The following MYO5B variants were observed in gnomAD, a reference collection of about 807,000 sequenced individuals.
MYO5B encodes the protein myosin VB, also known as unconventional myosin-Vb.
MYO5B carries 143 observed loss-of-function variants against 229.3 expected under a neutral mutation model. The observed-to-expected ratio is 0.62, with a 90% confidence interval of 0.54 to 0.72. The LOEUF is 0.72. Ranked by LOEUF, MYO5B falls within the 30% of genes least tolerant of loss-of-function variation. The pLI is 0.00. For synonymous variants in MYO5B, 918 were observed against 885.2 expected (o/e 1.04, Z -0.66); for missense variants, 2,321 against 2,331.0 (o/e 1.00, Z 0.09).
chr18:50,076,645 G>C (rs1019166797), intron 1 of MYO5B, among the ~76,000 whole-genome samples: 1 of 152,124 alleles, frequency 6.6e-6, no homozygotes, highest in Non-Finnish European at 1.5e-5. Context: ...AATTCCAAAA[G>C]GTGGTCATGT....
At chr18:49,843,918 T>A (rs12454607) in intron 33 of MYO5B, among the ~76,000 whole-genome samples, 11,172 of 152,260 alleles carry the variant, frequency 0.073, 921 homozygotes, top group East Asian at 0.29. Flanking sequence ...CTCTGGCCCA[T>A]CAGTTCAGGA....
intron 4 of MYO5B, among the ~76,000 whole-genome samples, chr18:50,006,674 C>T (rs2026105181): frequency 6.6e-6 from 1 of 152,142 alleles, no homozygotes; most frequent in Admixed American, 6.5e-5. Flanking sequence ...TCCCACCAAA[C>T]CACTGCAGTG....
chr18:50,183,765 A>T (rs909602984), intron 1 of MYO5B, among the ~76,000 whole-genome samples: 3 of 151,544 alleles, frequency 2.0e-5, no homozygotes, highest in African/African-American at 7.3e-5. Context: ...GCCTAGTGGG[A>T]TGTGTTTGGG....
chr18:49,941,863 T>A (rs930518263), intron 14 of MYO5B, among the ~76,000 whole-genome samples: 48 of 144,538 alleles, frequency 3.3e-4, no homozygotes, highest in African/African-American at 1.2e-3. Context: ...AGAGCCCGCA[T>A]TGCCAAGTCA....
chr18:49,876,275 T>G (rs1171535286), intron 25 of MYO5B: 2 of 280,454 alleles, frequency 7.1e-6, no homozygotes, highest in African/African-American at 4.4e-5. Flanking sequence ...CTTGATTGCA[T>G]CTTGAAATGG....
intron 14 of MYO5B, among the ~76,000 whole-genome samples, chr18:49,945,904 G>T (rs914052541): frequency 6.6e-6 from 1 of 152,136 alleles, no homozygotes; most frequent in Non-Finnish European, 1.5e-5. Flanking sequence ...CTGGAGGCAG[G>T]TTCACATTTT....
intron 12 of MYO5B, among the ~76,000 whole-genome samples, chr18:49,955,440 C>T (rs768480902): frequency 9.2e-5 from 14 of 152,150 alleles, no homozygotes; most frequent in Non-Finnish European, 1.8e-4. Flanking sequence ...TCCTCAGTGA[C>T]GGGTCACTAA....
chr18:49,929,686 G>T, intron 16 of MYO5B, 88 bp from the exon 17 acceptor site: 2 of 1,202,440 alleles, frequency 1.7e-6, no homozygotes, highest in Non-Finnish European at 2.4e-6. Flanking sequence ...ATCTTTTCCT[G>T]CAGCATGTGA....
intron 16 of MYO5B, among the ~76,000 whole-genome samples, chr18:49,931,828 C>A (rs746945299): frequency 2.6e-5 from 4 of 152,178 alleles, no homozygotes; most frequent in Non-Finnish European, 5.9e-5. Context: ...AGAGCGGACA[C>A]CCCTGTGCTT....
intron 27 of MYO5B, among the ~76,000 whole-genome samples, chr18:49,871,101 T>G (rs1272419346): frequency 6.6e-6 from 1 of 152,108 alleles, no homozygotes; most frequent in East Asian, 1.9e-4. Flanking sequence ...TGGGACACAG[T>G]TTTAAAAGAA....
At chr18:50,047,076 A>G (rs2030250094) in intron 2 of MYO5B, among the ~76,000 whole-genome samples, 2 of 152,250 alleles carry the variant, frequency 1.3e-5, no homozygotes, top group Non-Finnish European at 1.5e-5. Flanking sequence ...AACAAAAGCC[A>G]AAATTGACAA....
intron 4 of MYO5B, among the ~76,000 whole-genome samples, chr18:50,003,976 T>C (rs2144330997): frequency 6.6e-6 from 1 of 152,252 alleles, no homozygotes; most frequent in Non-Finnish European, 1.5e-5. Context: ...GATGCTGGAC[T>C]ACAAGGAGAC....
intron 6 of MYO5B, among the ~76,000 whole-genome samples, chr18:49,991,753 C>T (rs2025935459): frequency 6.6e-6 from 1 of 152,070 alleles, no homozygotes; most frequent in South Asian, 2.1e-4. Flanking sequence ...CAGCAAACCA[C>T]CATGGCATGT....
In MYO5B at chr18:49,825,493, G is replaced by A. The variant is rs568219550; in HGVS notation, c.*978C>T. 7 of 152,028 alleles carry A rather than the reference G, an allele frequency of 4.6e-5. No individual in the cohort carries two copies. The highest frequency in any genetic ancestry group is 3.9e-4 in the East Asian group (2 of 5,184). 9.4% of individuals were successfully genotyped at this position (152,028 alleles called of 1,614,324 possible). On this transcript the variant is annotated 3_prime_UTR_variant, in exon 40 of 40. Transcript: ENST00000285039. ...AGGTTTTTCAGATGATCTGATGTGCGAACTTTAGTTTGTTTTACTATTTGG... is the reference window on the plus strand; with the variant it reads ...AGGTTTTTCAGATGATCTGATGTGCAAACTTTAGTTTGTTTTACTATTTGG...
intron 17 of MYO5B, among the ~76,000 whole-genome samples, chr18:49,916,946 T>G (rs1202197219): frequency 3.9e-5 from 6 of 152,212 alleles, no homozygotes. Flanking sequence ...AAATAGAACT[T>G]TTTAAAGGGG....
At chr18:50,164,651 A>T (rs561910555) in intron 1 of MYO5B, among the ~76,000 whole-genome samples, 114 of 152,170 alleles carry the variant, frequency 7.5e-4, no homozygotes, top group African/African-American at 2.7e-3. Flanking sequence ...TACATAGGTA[A>T]ATGTGTGTCA....
intron 34 of MYO5B, among the ~76,000 whole-genome samples, chr18:49,842,441 GT>G (rs2024069926): frequency 6.6e-6 from 1 of 152,244 alleles, no homozygotes; most frequent in Non-Finnish European, 1.5e-5. Context: ...TCCAGAATTG[GT>G]TTGGACTCAG....
At chr18:49,873,669 T>G (rs967031806) in intron 26 of MYO5B, among the ~76,000 whole-genome samples, 38 of 152,188 alleles carry the variant, frequency 2.5e-4, no homozygotes, top group African/African-American at 8.9e-4. Context: ...TGATATTGAG[T>G]ACATTACATT....
intron 8 of MYO5B, among the ~76,000 whole-genome samples, chr18:49,981,199 A>G (rs984331149): frequency 6.6e-6 from 1 of 152,208 alleles, no homozygotes; most frequent in Admixed American, 6.5e-5. Flanking sequence ...AAAGGCATGG[A>G]TAATCTCTTA....
Sources: gnomAD v4.1 joint callset for allele counts (sites outside exome capture counted in the v4.1 genomes callset) on GRCh38, gnomAD v4.1.1 for gene constraint, MANE v1.5 for transcripts, NCBI Gene and HGNC (gene_info 2026-07-23, HGNC 2026-07-21) for gene names.